Variants in CNTN6 observed in about 807,000 individuals in gnomAD.
CNTN6 encodes the protein contactin-6.
In CNTN6, 137 loss-of-function variants were observed where a neutral mutation model predicts 122.8. The observed-to-expected ratio is 1.12, with a 90% CI of 0.97 to 1.29. The LOEUF (loss-of-function observed/expected upper bound fraction) is 1.29. Among genes scored for constraint, CNTN6 ranks in the 50% most tolerant of loss-of-function variants. The pLI is 0.00. For synonymous variants in CNTN6, 570 were observed against 426.0 expected (o/e 1.34, Z -4.16); for missense variants, 1,634 against 1,223.4 (o/e 1.34, Z -5.01).
chr3:1,126,342 A>G (rs2092158102), intron 1 of CNTN6, among the ~76,000 whole-genome samples: 1 of 151,920 alleles, frequency 6.6e-6, no homozygotes, highest in Non-Finnish European at 1.5e-5. Context: ...AAGATAAACC[A>G]GATTCTCTAA....
chr3:1,373,050 A>ACACTC (rs1709299751), intron 14 of CNTN6, 95 bp downstream of exon 14: 2 of 718,680 alleles, frequency 2.8e-6, no homozygotes, highest in Admixed American at 2.5e-5. Flanking sequence ...ACACCATGTT[A>ACACTC]TGGAAGTGAG....
At chr3:1,214,458 A>G (rs1304721459) in intron 2 of CNTN6, among the ~76,000 whole-genome samples, 3 of 150,922 alleles carry the variant, frequency 2.0e-5, no homozygotes, top group South Asian at 2.1e-4. Flanking sequence ...ACAGGCGCCC[A>G]CCACCACGCC....
At chr3:1,294,594 C>T (rs1340671003) in intron 5 of CNTN6, among the ~76,000 whole-genome samples, 1 of 152,060 alleles carries the variant, frequency 6.6e-6, no homozygotes, top group African/African-American at 2.4e-5. Context: ...ATACAGTTAC[C>T]CACAAGATTT....
intron 5 of CNTN6, among the ~76,000 whole-genome samples, chr3:1,279,467 C>G (rs1007728725): frequency 2.0e-5 from 3 of 152,148 alleles, no homozygotes; most frequent in Non-Finnish European, 4.4e-5. Flanking sequence ...TAAATTTTCA[C>G]AAAAACTTAT....
chr3:1,293,647 G>C (rs983249772), intron 5 of CNTN6, among the ~76,000 whole-genome samples: 1 of 152,094 alleles, frequency 6.6e-6, no homozygotes, highest in Non-Finnish European at 1.5e-5. Flanking sequence ...GCTCCAAGAT[G>C]CATAAACTAC....
intron 5 of CNTN6, among the ~76,000 whole-genome samples, chr3:1,287,931 C>G (rs961893288): frequency 2.6e-5 from 4 of 152,292 alleles, no homozygotes; most frequent in African/African-American, 9.6e-5. Context: ...CGAAAATAGC[C>G]AGCTCTGAAG....
chr3:1,373,611 A>C lies in CNTN6; in HGVS notation c.1794A>C (p.Pro598=). 1.2e-6 allele frequency: 2 copies of C among 1,610,998 alleles called. No individual in the cohort carries two copies. The highest frequency in any genetic ancestry group is 1.7e-6 in the Non-Finnish European group (2 of 1,178,558). ...TAAAACATTTTTTTCAAGGTCCACC[A>C]GGTCCTCCTGAGGATGTGCAAGTGG... ...AVADIIVRGP[P]GPPEDVQVED... Residue 598 remains proline, a synonymous_variant, in exon 15 of 23, where the codon CCA becomes CCC. Transcript: ENST00000446702.
rs1356188809 is a variant in CNTN6, at chr3:1,175,323, C to CTAAAATGTGAATAAAA, written c.55+27261_55+27262insAAAATGTGAATAAAAT. On this transcript the variant is annotated intron_variant, in intron 2 of 22. Coordinates refer to ENST00000446702, the MANE Select transcript of CNTN6 (RefSeq NM_001289080.2). Reference sequence around the variant, plus strand: ...AAATAACACTACCATAAAAAATTGACTTTCTAACTAAAATGTGAATAAAAT... The same window carrying CTAAAATGTGAATAAAA: ...AAATAACACTACCATAAAAAATTGACTAAAATGTGAATAAAATTTCTAACTAAAATGTGAATAAAAT... Among the ~76,000 whole-genome samples the CTAAAATGTGAATAAAA allele has an allele frequency of 6.4e-3, 968 of 150,266 alleles. 11 individuals are homozygous for CTAAAATGTGAATAAAA. Among genetic ancestry groups the CTAAAATGTGAATAAAA allele is most frequent in the African/African-American group, 0.023 (927 of 40,994 alleles).
intron 5 of CNTN6, among the ~76,000 whole-genome samples, chr3:1,281,717 C>T (rs973874205): frequency 3.3e-5 from 5 of 152,070 alleles, no homozygotes; most frequent in Non-Finnish European, 7.4e-5. Flanking sequence ...GGATTACAGG[C>T]GTGAGCCATC....
intron 1 of CNTN6, among the ~76,000 whole-genome samples, chr3:1,101,718 C>G (rs569067593): frequency 1.3e-5 from 2 of 152,294 alleles, no homozygotes; most frequent in South Asian, 4.1e-4. Flanking sequence ...ACAAACATTA[C>G]TGTAACAAAT....
At chr3:1,292,012 C>G (rs944276993) in intron 5 of CNTN6, among the ~76,000 whole-genome samples, 1 of 151,972 alleles carries the variant, frequency 6.6e-6, no homozygotes, top group Non-Finnish European at 1.5e-5. Context: ...AGGTTTAACC[C>G]CCATCCATCG....
chr3:1,290,092 C>G (rs1695083464), intron 5 of CNTN6, among the ~76,000 whole-genome samples: 1 of 152,182 alleles, frequency 6.6e-6, no homozygotes, highest in South Asian at 2.1e-4. Context: ...CTTACTGAAT[C>G]ACAGAGTCTG....
chr3:1,305,194 G>A lies in CNTN6; in HGVS notation c.761+7203G>A, dbSNP rs73816293. Among the ~76,000 whole-genome samples the A allele has an allele frequency of 5.8e-3, 889 of 152,126 alleles. 7 individuals are homozygous for A. Among genetic ancestry groups the A allele is most frequent in the African/African-American group, 0.02 (837 of 41,506 alleles). ...ACTCAGAAAACATAGCTTCTGTCAC[G>A]GATACCATCATGCAGACAGAATGTA... On this transcript the variant is annotated intron_variant, in intron 7 of 22. Coordinates refer to ENST00000446702, the MANE Select transcript of CNTN6 (RefSeq NM_001289080.2).
At chr3:1,395,327 C>G (rs956196853) in intron 20 of CNTN6, among the ~76,000 whole-genome samples, 2 of 152,140 alleles carry the variant, frequency 1.3e-5, no homozygotes, top group Non-Finnish European at 2.9e-5. Context: ...AGGAGTTAGA[C>G]AGGGGTTTCA....
At chr3:1,281,520 A>G (rs927589387) in intron 5 of CNTN6, among the ~76,000 whole-genome samples, 8 of 146,618 alleles carry the variant, frequency 5.5e-5, no homozygotes, top group Admixed American at 2.8e-4. Context: ...GCTGGAGTGC[A>G]GTGGCCCCAT....
At chr3:1,155,010 G>C (rs2092931766) in intron 2 of CNTN6, among the ~76,000 whole-genome samples, 1 of 152,056 alleles carries the variant, frequency 6.6e-6, no homozygotes, top group South Asian at 2.1e-4. Flanking sequence ...TCTATGACTG[G>C]CTCTTTCCAT....
rs780040358 is a variant in CNTN6 at position 1,147,942 on chromosome 3, A to C, written c.-67A>C. The C allele has an allele frequency of 5.4e-5, 61 of 1,131,688 alleles. No homozygotes were observed. Among genetic ancestry groups the C allele is most frequent in the Non-Finnish European group, 7.1e-5 (53 of 748,550 alleles). 70.1% of individuals were successfully genotyped at this position (1,131,688 alleles called of 1,614,324 possible). A position where few individuals can be genotyped will look rare whatever the true frequency, so the allele number is the denominator to read the frequency against. ...TCTTTTTCAGACTCTTGAGATACTG[A>C]CTGGAAGATAGACTGTTTTGTTCCA... On this transcript the variant is annotated 5_prime_UTR_variant, in exon 2 of 23. Coordinates refer to ENST00000446702, the MANE Select transcript of CNTN6 (RefSeq NM_001289080.2).
chr3:1,257,058 T>C (rs890357243), intron 4 of CNTN6, among the ~76,000 whole-genome samples: 1 of 152,198 alleles, frequency 6.6e-6, no homozygotes, highest in African/African-American at 2.4e-5. Flanking sequence ...TTGCTTAATA[T>C]GTACCCTTAG....
intron 2 of CNTN6, among the ~76,000 whole-genome samples, chr3:1,203,451 A>G (rs1180002836): frequency 2.0e-5 from 3 of 152,208 alleles, no homozygotes; most frequent in Non-Finnish European, 1.5e-5. Flanking sequence ...GCATTTTTGC[A>G]TGGCACATGG....
Sources: gnomAD v4.1 joint callset for allele counts (sites outside exome capture counted in the v4.1 genomes callset) on GRCh38, gnomAD v4.1.1 for gene constraint, MANE v1.5 for transcripts, NCBI Gene and HGNC (gene_info 2026-07-23, HGNC 2026-07-21) for gene names.